HSPG2: variants seen among roughly 807,000 people sequenced by gnomAD.
HSPG2 encodes basement membrane-specific heparan sulfate proteoglycan core protein.
HSPG2 carries 278 observed loss-of-function variants against 526.6 expected under a neutral mutation model. That is an observed-to-expected ratio of 0.53 (90% CI 0.48 to 0.58). HSPG2 has a LOEUF of 0.58. Ranked by LOEUF, HSPG2 falls within the 20% of genes least tolerant of loss-of-function variation. HSPG2 has a pLI of 0.00. For missense variants in HSPG2, 5,354 were observed against 6,099.5 expected (o/e 0.88, Z 4.07); for synonymous variants, 2,465 against 2,555.4 (o/e 0.96, Z 1.07).
chr1:21,873,895 T>A (rs753464141), intron 29 of HSPG2, 30 bp downstream of exon 29: 14 of 1,537,032 alleles, frequency 9.1e-6, no homozygotes, highest in Middle Eastern at 2.2e-4. Flanking sequence ...CCTGTGCGCA[T>A]CCCCCCACCC....
chr1:21,832,472 G>A (rs35479598), intron 81 of HSPG2, 23 bp downstream of exon 81: 1 of 1,566,238 alleles, frequency 6.4e-7, no homozygotes, highest in Non-Finnish European at 8.8e-7. Flanking sequence ...TCCCCCTGTA[G>A]GTGGGGAGGC....
Position 21,835,401 on chromosome 1 carries a change from G to A in HSPG2, c.10453+139C>T, listed in dbSNP as rs544982418. ...CCCTTTTACTCTATGCTAGACACAAGCAAGGCAAAATGGAATAATTCTCTT... is the reference window on the plus strand; with the variant it reads ...CCCTTTTACTCTATGCTAGACACAAACAAGGCAAAATGGAATAATTCTCTT... On this transcript the variant is annotated intron_variant, in intron 76 of 96. Coordinates refer to ENST00000374695, the MANE Select transcript of HSPG2 (RefSeq NM_005529.7). 5.6e-6 allele frequency: 4 copies of A among 709,316 alleles called. No individual in the cohort carries two copies. The East Asian group carries it at 8.1e-5, about 14-fold the overall frequency. The allele number at this position is 709,316 out of a possible 1,614,324, so 43.9% of individuals were successfully genotyped here.
At position 21,848,696 on chromosome 1, in the gene HSPG2, G is replaced by C. The variant is rs755215244; in HGVS notation, c.7684C>G (p.Pro2562Ala). ...CGCTTATACCAGGTGATGGTGTGGG[G>C]AGCCTGGCTGGCAACCAGGCAGTTG... ...DLNCLVASQA[P>A]HTITWYKRGG... Residue 2562 changes from proline (P) to alanine (A), a missense_variant, in exon 59 of 97, where the codon CCC (proline) becomes GCC (alanine). Transcript: ENST00000374695. The surrounding 1 kb of genome is among the most constrained non-coding windows in gnomAD (Gnocchi z 4.9). 6.2e-7 allele frequency: 1 copy of C among 1,613,880 alleles called. No homozygotes were observed. Among genetic ancestry groups the C allele is most frequent in the Admixed American group, 1.7e-5 (1 of 60,024 alleles).
At position 21,834,222 on chromosome 1, in the gene HSPG2, T is replaced by C. The variant is rs74060188; in HGVS notation, c.10721-297A>G. On this transcript the variant is annotated intron_variant, in intron 77 of 96. Coordinates refer to ENST00000374695, the MANE Select transcript of HSPG2 (RefSeq NM_005529.7). ...TGAGAAGTGCACACTAGGGGCAGTA[T>C]AGGTAAGGAAGTTTGGAGGCAAGTC... Among the ~76,000 whole-genome samples, 8,158 of 152,222 alleles carry C rather than the reference T, an allele frequency of 0.054. 415 individuals are homozygous for C. Among genetic ancestry groups the C allele is most frequent in the African/African-American group, 0.14 (5,805 of 41,512 alleles).
chr1:21,825,141 T>C (rs2097966751), intron 91 of HSPG2: 1 of 343,646 alleles, frequency 2.9e-6, no homozygotes, highest in African/African-American at 2.1e-5. Context: ...TGCTTTGAAA[T>C]TGTGGTAGCT....
intron 42 of HSPG2, among the ~76,000 whole-genome samples, chr1:21,857,992 A>G (rs952596976): frequency 5.9e-5 from 9 of 151,934 alleles, no homozygotes; most frequent in African/African-American, 1.9e-4. Flanking sequence ...CCTCCTTCTC[A>G]TGCGATCACT....
chr1:21,874,693 G>A lies in HSPG2; in HGVS notation c.3451C>T (p.Leu1151Phe). 1 of 1,610,422 alleles carries A rather than the reference G, an allele frequency of 6.2e-7. No homozygotes were observed. Among genetic ancestry groups the A allele is most frequent in the Non-Finnish European group, 8.5e-7 (1 of 1,178,328 alleles). The change falls in exon 27 of 97, where the codon CTC becomes TTC. Residue 1151 changes from leucine to phenylalanine, a missense_variant. Leu to Phe is a conservative substitution (Grantham distance 22). Transcript: ENST00000374695. ...CAGCGTTCACAGGTACCCAGGTAGA[G>A]GCCACTGGGCGTGCGTGTGTAGCCT... ...DTGYTRTPSG[L>F]YLGTCERCSC... is the part of the protein sequence containing the mutation.
intron 1 of HSPG2, among the ~76,000 whole-genome samples, chr1:21,926,236 G>A (rs1644187402): frequency 6.6e-6 from 1 of 152,192 alleles, no homozygotes; most frequent in Non-Finnish European, 1.5e-5. Context: ...AGAGCCCAGT[G>A]GGAGGCCTGG....
In HSPG2 at chr1:21,839,719, C is replaced by T. The variant is rs1005036946; in HGVS notation, c.9709+103G>A. 7.0e-7 allele frequency: 1 copy of T among 1,435,428 alleles called. No individual in the cohort carries two copies. The highest frequency in any genetic ancestry group is 1.9e-5 in the Admixed American group (1 of 52,826). 88.9% of individuals were successfully genotyped at this position (1,435,428 alleles called of 1,614,324 possible). A position where few individuals can be genotyped will look rare whatever the true frequency, so the allele number is the denominator to read the frequency against. On this transcript the variant is annotated intron_variant, in intron 72 of 96. Coordinates refer to ENST00000374695, the MANE Select transcript of HSPG2 (RefSeq NM_005529.7). The surrounding 1 kb of genome is among the most constrained non-coding windows in gnomAD (Gnocchi z 4.5). ...CTAGCAACACGGTCTCCCCGTACTCCCCACCCCTGGGCATGACATCATCTC... is the reference window on the plus strand; with the variant it reads ...CTAGCAACACGGTCTCCCCGTACTCTCCACCCCTGGGCATGACATCATCTC...
At chr1:21,861,500 G>A (rs12122615) in intron 39 of HSPG2, among the ~76,000 whole-genome samples, 11 of 4,680 alleles carry the variant, frequency 2.4e-3, no homozygotes, top group Non-Finnish European at 2.4e-3. Flanking sequence ...AAAAAAAAAA[G>A]AAAGAAAAAG....
intron 1 of HSPG2, among the ~76,000 whole-genome samples, chr1:21,911,686 G>A (rs973152003): frequency 6.6e-5 from 10 of 152,168 alleles, no homozygotes; most frequent in Non-Finnish European, 1.2e-4. Context: ...GTGCAGGGCC[G>A]GGAGGGAGGG....
In HSPG2 at chr1:21,839,920, G is replaced by A. The variant is rs138463714; in HGVS notation, c.9611C>T (p.Thr3204Met). 46 of 1,614,132 alleles carry A rather than the reference G, an allele frequency of 2.8e-5. No individual in the cohort carries two copies. The highest frequency in any genetic ancestry group is 8.0e-5 in the African/African-American group (6 of 75,044). Residue 3204 changes from threonine (T) to methionine (M), a missense_variant, in exon 72 of 97, where the codon ACG becomes ATG. Thr to Met is a moderately conservative substitution (Grantham distance 81, BLOSUM62 -1). Coordinates refer to ENST00000374695, the MANE Select transcript of HSPG2 (RefSeq NM_005529.7). This position sits in a 1 kb window ranked among gnomAD's most constrained non-coding sequence, Gnocchi z 4.5. ...AGGGGCCCCTGGGGCCATGGCGCCC[G>A]TGTCCACGATCACCTCCACCTGCTT... ...AQKQVEVIVD[T>M]GAMAPGAPQV...
Position 21,836,886 on chromosome 1 carries a change from G to C in HSPG2, c.10271C>G (p.Pro3424Arg). The C allele has an allele frequency of 6.4e-7, 1 of 1,573,404 alleles. No homozygotes were observed. The highest frequency in any genetic ancestry group is 1.2e-5 in the South Asian group (1 of 85,680). Residue 3424 changes from proline to arginine, a missense_variant, in exon 75 of 97, where the codon CCC (proline) becomes CGC (arginine). Coordinates refer to ENST00000374695, the MANE Select transcript of HSPG2 (RefSeq NM_005529.7). ...ACGGAGCTGGGTACCCCGGTCGCTG[G>C]GCACAGCACAGTGGAACTCAACGCT... is the stretch of plus-strand genomic sequence containing the variant. Reference protein sequence around the residue: ...GASVEFHCAVPSDRGTQLRWF... With the variant: ...GASVEFHCAVRSDRGTQLRWF...
intron 1 of HSPG2, among the ~76,000 whole-genome samples, chr1:21,929,169 G>A (rs1433129143): frequency 1.3e-5 from 2 of 152,144 alleles, no homozygotes; most frequent in Non-Finnish European, 2.9e-5. Context: ...AGATGAGGGG[G>A]TAAGAATAAA....
intron 1 of HSPG2, among the ~76,000 whole-genome samples, chr1:21,919,693 C>A (rs77346462): frequency 6.6e-6 from 1 of 152,094 alleles, no homozygotes. Context: ...GAGATCTTGT[C>A]GGCGTGCAGA....
intron 39 of HSPG2, among the ~76,000 whole-genome samples, 181 bp from the exon 40 acceptor site, chr1:21,860,416 G>A (rs1320535671): frequency 1.3e-5 from 2 of 152,208 alleles, no homozygotes; most frequent in Non-Finnish European, 2.9e-5. Context: ...TGAGAAAGGG[G>A]AGTGTAAGGG....
rs1639832981 is a variant in HSPG2 at position 21,862,090 on chromosome 1, T to A, written c.4766A>T (p.Glu1589Val). 1 of 1,613,528 alleles carries A rather than the reference T, an allele frequency of 6.2e-7. No individual in the cohort carries two copies. Among genetic ancestry groups the A allele is most frequent in the Non-Finnish European group, 8.5e-7 (1 of 1,180,008 alleles). ...CSQCQHNAAGEFCELCAPGYY... is the reference protein window; with the variant it reads ...CSQCQHNAAGVFCELCAPGYY... ...GCCAGGGGCACAAAGCTCGCAGAAC[T>A]CCCCTGCGGCGTTGTGCTGGCATTG... Residue 1589 changes from glutamate (E) to valine (V), a missense_variant, in exon 38 of 97, where the codon GAG (glutamate) becomes GTG (valine). Transcript: ENST00000374695.
chr1:21,910,904 C>T (rs539460250), intron 1 of HSPG2, among the ~76,000 whole-genome samples: 4 of 152,276 alleles, frequency 2.6e-5, no homozygotes, highest in East Asian at 3.9e-4. Flanking sequence ...AGCAAGAAAA[C>T]GGGAGTTCCA....
At chr1:21,891,131 C>T in intron 3 of HSPG2, among the ~76,000 whole-genome samples, 1 of 152,234 alleles carries the variant, frequency 6.6e-6, no homozygotes, top group East Asian at 1.9e-4. Context: ...TCTTCCTGAT[C>T]TGCCCTGGCT....
Sources: gnomAD v4.1 joint callset for allele counts (sites outside exome capture counted in the v4.1 genomes callset) on GRCh38, gnomAD v4.1.1 for gene constraint, Gnocchi (gnomAD v3.1) non-coding constraint, MANE v1.5 for transcripts, NCBI Gene and HGNC (gene_info 2026-07-23, HGNC 2026-07-21) for gene names.